ANKRD36B: variants seen among roughly 807,000 people sequenced by gnomAD.
ANKRD36B encodes ankyrin repeat domain 36B.
A neutral mutation model predicts 135.7 loss-of-function variants in ANKRD36B; 37 were observed. The ratio of observed to expected loss-of-function variants is 0.27; its 90% CI spans 0.21 to 0.36. The LOEUF (loss-of-function observed/expected upper bound fraction) is 0.36, where lower values mean the gene tolerates loss of function less well. Ranked by LOEUF, ANKRD36B falls within the 10% of genes least tolerant of loss-of-function variation. The pLI, the probability that ANKRD36B is intolerant of heterozygous loss-of-function variation, is 1.00. For synonymous variants in ANKRD36B, 179 were observed against 348.1 expected (o/e 0.51, Z 5.41); for missense variants, 549 against 1,037.1 (o/e 0.53, Z 6.46).
At chr2:97,572,095 AG>A (rs2081916712) in intron 6 of ANKRD36B, among the ~76,000 whole-genome samples, 2 of 152,134 alleles carry the variant, frequency 1.3e-5, no homozygotes, top group Non-Finnish European at 2.9e-5. Flanking sequence ...CAAAAGAGAG[AG>A]ACCTTTGTCT....
chr2:97,538,895 CT>C (rs2079018206), intron 30 of ANKRD36B, among the ~76,000 whole-genome samples: 1 of 96,566 alleles, frequency 1.0e-5, no homozygotes, highest in South Asian at 2.3e-4. Context: ...GCTTCATCAG[CT>C]TGGATATAGG....
chr2:97,586,546 C>T (rs2083011402), intron 1 of ANKRD36B, among the ~76,000 whole-genome samples: 1 of 151,960 alleles, frequency 6.6e-6, no homozygotes, highest in South Asian at 2.1e-4. Context: ...AATGTGTCTG[C>T]TACATAATAG....
chr2:97,528,223 C>T lies in ANKRD36B; in HGVS notation c.2265+4088G>A, dbSNP rs2078331285. Among the ~76,000 whole-genome samples, 5 of 96,248 alleles carry T rather than the reference C, an allele frequency of 5.2e-5. 1 individual carries two copies. Among genetic ancestry groups the T allele is most frequent in the Admixed American group, 4.6e-4 (5 of 10,848 alleles). 63.1% of individuals were successfully genotyped at this position (96,248 alleles called of 152,430 possible). ...ACTGTCTGTCAGACCACAGTGCAAT[C>T]AAACTAGAACTCAGGATTAAGAAAC... On this transcript the variant is annotated intron_variant, in intron 35 of 43. Coordinates refer to ENST00000359901, the MANE Select transcript of ANKRD36B (RefSeq NM_001393939.1).
chr2:97,557,541 T>A (rs952372556), intron 10 of ANKRD36B, among the ~76,000 whole-genome samples: 6 of 151,942 alleles, frequency 3.9e-5, no homozygotes, highest in African/African-American at 1.4e-4. Context: ...TATACCATTA[T>A]GCTGCAAGTA....
chr2:97,573,376 A>G (rs1201445699), intron 6 of ANKRD36B, among the ~76,000 whole-genome samples: 3 of 152,136 alleles, frequency 2.0e-5, no homozygotes, highest in Admixed American at 6.6e-5. Flanking sequence ...CCACTGCTCA[A>G]TGAAATAAAA....
chr2:97,546,531 T>C (rs973064194), intron 22 of ANKRD36B, among the ~76,000 whole-genome samples: 1 of 151,764 alleles, frequency 6.6e-6, no homozygotes, highest in Non-Finnish European at 1.5e-5. Context: ...CACCAAAGGA[T>C]AATATATTAG....
chr2:97,578,666 G>A (rs963207767), intron 5 of ANKRD36B, among the ~76,000 whole-genome samples: 4 of 152,060 alleles, frequency 2.6e-5, no homozygotes, highest in African/African-American at 9.7e-5. Flanking sequence ...TCCCTAAGGA[G>A]AAAAGTCCTG....
chr2:97,541,697 AAT>A (rs2079157359), intron 28 of ANKRD36B: 1 of 480,366 alleles, frequency 2.1e-6, no homozygotes, highest in Admixed American at 2.7e-5. Context: ...TATTCTTCCT[AAT>A]TTCAATGTAG....
At chr2:97,586,015 T>C (rs2082956041) in intron 1 of ANKRD36B, among the ~76,000 whole-genome samples, 1 of 152,212 alleles carries the variant, frequency 6.6e-6, no homozygotes, top group South Asian at 2.1e-4. Flanking sequence ...ACTGGCAACA[T>C]TTTAAACATT....
rs756687151 is a variant in ANKRD36B, at chr2:97,555,018, A to C, written c.1171+42T>G. On this transcript the variant is annotated intron_variant, in intron 14 of 43. Transcript: ENST00000359901. ...ATTTGGGGAAGAGAAGTTCTTTTCT[A>C]TCTGGACTGAACATGACATTAAATG... 8 of 1,601,944 alleles carry C rather than the reference A, an allele frequency of 5.0e-6. No individual in the cohort carries two copies. The Admixed American group carries it at 6.8e-5, about 14-fold the overall frequency.
At chr2:97,551,256 G>C (rs1185855670) in intron 18 of ANKRD36B, 33 bp downstream of exon 18, 1 of 1,539,468 alleles carries the variant, frequency 6.5e-7, no homozygotes, top group Non-Finnish European at 8.7e-7. Flanking sequence ...TATCTGGACT[G>C]AACATGACAT....
Position 97,564,098 on chromosome 2 carries a change from C to T in ANKRD36B, c.764-3238G>A, listed in dbSNP as rs568884416. Among the ~76,000 whole-genome samples, 4 of 151,722 alleles carry T rather than the reference C, an allele frequency of 2.6e-5. No individual in the cohort carries two copies. In the East Asian group the frequency reaches 7.7e-4, roughly 29 times the overall value. ...CACAAAATCAAGTTCTACATGTTAT[C>T]TAGGAATATGCACATATGTTGTAAG... On this transcript the variant is annotated intron_variant, in intron 6 of 43. Coordinates refer to ENST00000359901, the MANE Select transcript of ANKRD36B (RefSeq NM_001393939.1).
chr2:97,569,461 A>T (rs2081675052), intron 6 of ANKRD36B, among the ~76,000 whole-genome samples: 1 of 152,160 alleles, frequency 6.6e-6, no homozygotes, highest in African/African-American at 2.4e-5. Flanking sequence ...GGGCAGTGTA[A>T]GTATTCTAAT....
intron 1 of ANKRD36B, among the ~76,000 whole-genome samples, chr2:97,586,142 A>G (rs1227867021): frequency 6.6e-6 from 1 of 152,218 alleles, no homozygotes; most frequent in Non-Finnish European, 1.5e-5. Flanking sequence ...TAAATGAAGT[A>G]CTGTGGAAAA....
rs1247421153 is a variant in ANKRD36B at position 97,533,714 on chromosome 2, C to T, written c.2192-1330G>A. 1.5e-4 allele frequency among the ~76,000 whole-genome samples: 14 copies of T among 94,424 alleles called. No individual in the cohort carries two copies. In the East Asian group the frequency reaches 2.8e-3, roughly 19 times the overall value. The allele number at this position is 94,424 out of a possible 152,430, so 61.9% of individuals were successfully genotyped here. On this transcript the variant is annotated intron_variant, in intron 34 of 43. Transcript: ENST00000359901. ...CTTGTATCCTGCAGTTTGGCCCTGT[C>T]AAGAACTTTCTGAATCCACTCATGC...
At chr2:97,551,112 C>G (rs138676266) in intron 18 of ANKRD36B, among the ~76,000 whole-genome samples, 177 bp downstream of exon 18, 3,663 of 151,904 alleles carry the variant, frequency 0.024, 71 homozygotes, top group Non-Finnish European at 0.035. Context: ...ATCTTACAGC[C>G]AAGATCATAT....
At chr2:97,548,083 C>T (rs1234754670) in intron 20 of ANKRD36B, among the ~76,000 whole-genome samples, 1 of 151,768 alleles carries the variant, frequency 6.6e-6, no homozygotes, top group Non-Finnish European at 1.5e-5. Flanking sequence ...AAAGCAGGTG[C>T]TACATGATCC....
At position 97,589,663 on chromosome 2, in the gene ANKRD36B, C is replaced by T. The variant is rs1334293512; in HGVS notation, c.23G>A (p.Gly8Asp). Residue 8 changes from glycine to aspartate, a missense_variant, in exon 1 of 44, where the codon GGC becomes GAC. Coordinates refer to ENST00000359901, the MANE Select transcript of ANKRD36B (RefSeq NM_001393939.1). MERLCSD[G>D]FAFPHYYIKP... The stretch of plus-strand genomic sequence containing the variant: ...AATGTAGTAATGGGGAAATGCGAAG[C>T]CATCCGAGCACAAGCGCTCCATGAG... 6.2e-7 allele frequency: 1 copy of T among 1,614,200 alleles called. No individual in the cohort carries two copies. The highest frequency in any genetic ancestry group is 1.3e-5 in the African/African-American group (1 of 75,058).
chr2:97,580,367 T>C (rs2082551274), intron 4 of ANKRD36B, 95 bp downstream of exon 4: 2 of 1,118,772 alleles, frequency 1.8e-6, no homozygotes, highest in Admixed American at 6.0e-5. Context: ...AAGTTAGTCT[T>C]CTTACTAATG....
Sources: gnomAD v4.1 joint callset for allele counts (sites outside exome capture counted in the v4.1 genomes callset) on GRCh38, gnomAD v4.1.1 for gene constraint, MANE v1.5 for transcripts, NCBI Gene and HGNC (gene_info 2026-07-23, HGNC 2026-07-21) for gene names.